FES: variants seen among roughly 807,000 people sequenced by gnomAD.
The protein encoded by FES is FES proto-oncogene, tyrosine kinase.
In FES, 83 loss-of-function variants were observed where a neutral mutation model predicts 109.6. The ratio of observed to expected loss-of-function variants is 0.76; its 90% CI spans 0.63 to 0.91. The LOEUF (loss-of-function observed/expected upper bound fraction) is 0.91, where lower values mean the gene tolerates loss of function less well. Ranked by LOEUF, FES falls within the 40% of genes least tolerant of loss-of-function variation. The pLI, the probability that FES is intolerant of heterozygous loss-of-function variation, is 0.00. For synonymous variants in FES, 458 were observed against 442.1 expected, an observed-to-expected ratio of 1.04 and a Z score of -0.45; for missense variants, 943 against 1,070.9, an observed-to-expected ratio of 0.88 and a Z score of 1.67.
Position 90,891,040 on chromosome 15 carries a change from G to T in FES, c.1379G>T (p.Trp460Leu). 6.3e-7 allele frequency: 1 copy of T among 1,598,892 alleles called. No individual in the cohort carries two copies. The stretch of plus-strand genomic sequence containing the variant: ...CAGAAGCCCCTGCATGAGCAGCTGT[G>T]GTACCACGGGGCCATCCCGAGGGCA... ...EVQKPLHEQLWYHGAIPRAEV... is the reference protein window; with the variant it reads ...EVQKPLHEQLLYHGAIPRAEV... The change falls in exon 11 of 19, where the codon TGG becomes TTG. Residue 460 changes from tryptophan (W) to leucine (L), a missense_variant. Coordinates refer to ENST00000328850, the MANE Select transcript of FES (RefSeq NM_002005.4).
intron 14 of FES, 79 bp downstream of exon 14, chr15:90,892,904 C>T (rs1445570567): frequency 6.8e-6 from 10 of 1,481,394 alleles, no homozygotes; most frequent in Non-Finnish European, 9.4e-6. Flanking sequence ...AAGTGCTTGA[C>T]CACCGTGGTG....
chr15:90,893,406 C>T lies in FES; in HGVS notation c.2037C>T (p.Cys679=). 2 of 1,544,266 alleles carry T rather than the reference C, an allele frequency of 1.3e-6. No homozygotes were observed. Among genetic ancestry groups the T allele is most frequent in the African/African-American group, 1.4e-5 (1 of 72,684 alleles). ...AGMEYLESKC[C]IHRDLAARNC... ...TGGAGTACCTGGAGAGCAAGTGCTG[C>T]ATCCACCGGTGAGTGGGCGGTGGCC... Residue 679 remains cysteine, a synonymous_variant, in exon 16 of 19, where the codon TGC becomes TGT. Transcript: ENST00000328850.
At chr15:90,888,561 G>C (rs2032883246) in intron 5 of FES, among the ~76,000 whole-genome samples, 1 of 136,002 alleles carries the variant, frequency 7.4e-6, no homozygotes, top group Admixed American at 8.2e-5. Flanking sequence ...ATGGAGGTGA[G>C]GCGCGGTCAG....
At position 90,892,120 on chromosome 15, in the gene FES, G is replaced by A. The variant is rs376699225; in HGVS notation, c.1707+9G>A. The A allele has an allele frequency of 5.6e-5, 91 of 1,613,744 alleles. No homozygotes were observed. The highest frequency in any genetic ancestry group is 1.2e-4 in the African/African-American group (9 of 74,908). Reference sequence around the variant, plus strand: ...GTGAGCAGATTGGACGGGTGAGTGCGCCTCTGCTGGCCTCCTTGTCGCTGG... The same window carrying A: ...GTGAGCAGATTGGACGGGTGAGTGCACCTCTGCTGGCCTCCTTGTCGCTGG... On this transcript the variant is annotated intron_variant, in intron 13 of 18. Transcript: ENST00000328850.
chr15:90,891,727 G>T (rs2033235897), intron 12 of FES, 51 bp downstream of exon 12: 7 of 1,608,528 alleles, frequency 4.4e-6, no homozygotes, highest in East Asian at 4.5e-5. Flanking sequence ...GGCTTGGGGA[G>T]TGTGGGTCAG....
In FES at chr15:90,885,210, C is replaced by A; in HGVS notation, c.165C>A (p.Asp55Glu). 9.3e-6 allele frequency: 15 copies of A among 1,613,560 alleles called. No individual in the cohort carries two copies. The highest frequency in any genetic ancestry group is 1.3e-5 in the Non-Finnish European group (15 of 1,180,016). Reference sequence around the variant, plus strand: ...TGCTTCACCACATGTCCCTGCAGGACAGTGGGGGCCAGAGCCGGGCCATCA... The same window carrying A: ...TGCTTCACCACATGTCCCTGCAGGAAAGTGGGGGCCAGAGCCGGGCCATCA... The part of the protein sequence containing the change: ...AGLLHHMSLQ[D>E]SGGQSRAISP... The change falls in exon 2 of 19, where the codon GAC becomes GAA. Residue 55 changes from aspartate to glutamate, a missense_variant. Coordinates refer to ENST00000328850, the MANE Select transcript of FES (RefSeq NM_002005.4).
At position 90,889,594 on chromosome 15, in the gene FES, AG is replaced by A; in HGVS notation, c.885del (p.Glu295AspfsTer4). On this transcript the variant is annotated frameshift_variant, in exon 7 of 19. Transcript: ENST00000328850. LOFTEE classifies it high-confidence loss of function. This position sits in a 1 kb window ranked among gnomAD's most constrained non-coding sequence, Gnocchi z 6.1. The stretch of plus-strand genomic sequence containing the variant: ...GAGGGTGAACCGCTGGAGCCTGGGG[AG>A]CTCCAGCTGAACGAGCTGACTGTGG... ...LEEGEPLEPG[E>X]LQLNELTVES... 6.2e-7 allele frequency: 1 copy of A among 1,613,482 alleles called. No homozygotes were observed. Among genetic ancestry groups the A allele is most frequent in the Non-Finnish European group, 8.5e-7 (1 of 1,179,958 alleles).
intron 4 of FES, 63 bp downstream of exon 4, chr15:90,887,120 A>G: frequency 1.9e-6 from 3 of 1,612,520 alleles, no homozygotes; most frequent in Non-Finnish European, 2.5e-6. Context: ...GTCCTTGGGT[A>G]CCCAGAGAGT....
At chr15:90,887,429 C>T (rs1398801058) in intron 5 of FES, 59 bp downstream of exon 5, 3 of 1,506,270 alleles carry the variant, frequency 2.0e-6, no homozygotes, top group Non-Finnish European at 2.7e-6. Context: ...GCCCAGCCAT[C>T]AGGCCCAGAG....
intron 3 of FES, 127 bp from the exon 4 acceptor site, chr15:90,886,834 C>A: frequency 1.3e-6 from 1 of 786,164 alleles, no homozygotes; most frequent in Non-Finnish European, 2.1e-6. Context: ...CGTCAGCAGC[C>A]AGCTTTCCCA....
chr15:90,893,514 C>A, intron 16 of FES, 100 bp downstream of exon 16: 2 of 1,493,572 alleles, frequency 1.3e-6, no homozygotes. Flanking sequence ...GGCATCAGCT[C>A]CAGAGGGGGA....
At chr15:90,890,857 C>A in intron 10 of FES, 125 bp from the exon 11 acceptor site, 1 of 979,760 alleles carries the variant, frequency 1.0e-6, no homozygotes, top group Non-Finnish European at 1.5e-6. Flanking sequence ...GTGGATGGCT[C>A]TGCATGCCAC....
intron 1 of FES, 23 bp from the exon 2 acceptor site, chr15:90,885,014 G>A: frequency 6.4e-7 from 1 of 1,568,650 alleles, no homozygotes; most frequent in Non-Finnish European, 8.6e-7. Flanking sequence ...TGCCTCCAGG[G>A]ATGGCCCCTT....
chr15:90,892,523 A>G (rs2033316844), intron 13 of FES, 184 bp from the exon 14 acceptor site: 2 of 594,316 alleles, frequency 3.4e-6, no homozygotes, highest in Admixed American at 3.0e-5. Context: ...ATCGGAGGCA[A>G]CTTTCCCTGC....
In FES at chr15:90,893,312, T is replaced by C. The variant is rs2151269569; in HGVS notation, c.1943T>C (p.Leu648Pro). The C allele has an allele frequency of 2.5e-6, 4 of 1,573,804 alleles. No homozygotes were observed. Among genetic ancestry groups the C allele is most frequent in the Non-Finnish European group, 3.4e-6 (4 of 1,160,484 alleles). Reference protein sequence around the residue: ...LVQGGDFLTFLRTEGARLRVK... With the variant: ...LVQGGDFLTFPRTEGARLRVK... The stretch of plus-strand genomic sequence containing the variant: ...GCAGGGGGCGACTTCCTGACCTTCC[T>C]CCGCACGGAGGGGGCCCGCCTGCGG... Residue 648 changes from leucine (L) to proline (P), a missense_variant, in exon 16 of 19, where the codon CTC becomes CCC. Transcript: ENST00000328850.
In FES at chr15:90,889,080, C is replaced by A; in HGVS notation, c.669-226C>A. The A allele has an allele frequency of 1.7e-6, 1 of 580,496 alleles. No homozygotes were observed. Among genetic ancestry groups the A allele is most frequent in the Non-Finnish European group, 3.0e-6 (1 of 334,336 alleles). 36.0% of individuals were successfully genotyped at this position (580,496 alleles called of 1,614,324 possible). On this transcript the variant is annotated intron_variant, in intron 5 of 18. Coordinates refer to ENST00000328850, the MANE Select transcript of FES (RefSeq NM_002005.4). This position sits in a 1 kb window ranked among gnomAD's most constrained non-coding sequence, Gnocchi z 6.1. ...GGTATTATAGGCGTGAGCCACTGTGCCTGGCCCACTGGATCCTTATTACAA... is the reference window on the plus strand; with the variant it reads ...GGTATTATAGGCGTGAGCCACTGTGACTGGCCCACTGGATCCTTATTACAA...
Position 90,887,012 on chromosome 15 carries a change from C to A in FES, c.439C>A (p.Arg147=). Reference sequence around the variant, plus strand: ...GAAGAGCCAGTACCGAGCTCTGGCACGGGACAGTGCCCAAGCCAAGCGCAA... The same window carrying A: ...GAAGAGCCAGTACCGAGCTCTGGCAAGGGACAGTGCCCAAGCCAAGCGCAA... ...KLKSQYRALA[R]DSAQAKRKYQ... is the part of the protein sequence containing the mutation. Residue 147 remains arginine, a synonymous_variant, in exon 4 of 19, where the codon CGG becomes AGG. Coordinates refer to ENST00000328850, the MANE Select transcript of FES (RefSeq NM_002005.4). 1 of 1,614,146 alleles carries A rather than the reference C, an allele frequency of 6.2e-7. No individual in the cohort carries two copies. Among genetic ancestry groups the A allele is most frequent in the Non-Finnish European group, 8.5e-7 (1 of 1,180,038 alleles).
In FES at chr15:90,887,283, A is replaced by C; in HGVS notation, c.581A>C (p.Gln194Pro). Residue 194 changes from glutamine (Q) to proline (P), a missense_variant, in exon 5 of 19, where the codon CAG becomes CCG. Transcript: ENST00000328850. Reference protein sequence around the residue: ...NRYVLGVRAAQLHHQHHHQLL... With the variant: ...NRYVLGVRAAPLHHQHHHQLL... The stretch of plus-strand genomic sequence containing the variant: ...TATGTGCTGGGCGTGCGGGCTGCGC[A>C]GCTACACCACCAGCACCACCACCAG... 2.5e-6 allele frequency: 4 copies of C among 1,613,272 alleles called. No homozygotes were observed. Among genetic ancestry groups the C allele is most frequent in the South Asian group, 2.2e-5 (2 of 91,088 alleles).
rs759984840 is a variant in FES, at chr15:90,892,110, G to A, written c.1706G>A (p.Arg569Gln). ...CTGGTGTTGGGTGAGCAGATTGGAC[G>A]GGTGAGTGCGCCTCTGCTGGCCTCC... The part of the protein sequence containing the change: ...EDLVLGEQIG[R>Q]GNFGEVFSGR... The change falls in exon 13 of 19, where the codon CGG becomes CAG. Residue 569 changes from arginine to glutamine, a missense_variant and splice_region_variant. Arg to Gln is a conservative substitution (Grantham distance 43, BLOSUM62 1). Coordinates refer to ENST00000328850, the MANE Select transcript of FES (RefSeq NM_002005.4). 1.2e-5 allele frequency: 19 copies of A among 1,613,908 alleles called. No individual in the cohort carries two copies. Among genetic ancestry groups the A allele is most frequent in the African/African-American group, 4.0e-5 (3 of 74,920 alleles).
Sources: gnomAD v4.1 joint callset for allele counts (sites outside exome capture counted in the v4.1 genomes callset) on GRCh38, gnomAD v4.1.1 for gene constraint, Gnocchi (gnomAD v3.1) non-coding constraint, MANE v1.5 for transcripts, NCBI Gene and HGNC (gene_info 2026-07-23, HGNC 2026-07-21) for gene names.